Variants in NECAB1 observed in about 807,000 individuals in gnomAD.
The protein encoded by NECAB1 is N-terminal EF-hand calcium-binding protein 1.
A neutral mutation model predicts 57.5 loss-of-function variants in NECAB1; 29 were observed. The ratio of observed to expected loss-of-function variants is 0.50; its 90% CI spans 0.38 to 0.69. The LOEUF (loss-of-function observed/expected upper bound fraction) is 0.69, where lower values mean the gene tolerates loss of function less well. Ranked by LOEUF, NECAB1 falls within the 30% of genes least tolerant of loss-of-function variation. NECAB1 has a pLI of 0.00. For synonymous variants in NECAB1, 142 were observed against 147.7 expected (o/e 0.96, Z 0.28); for missense variants, 372 against 413.8 (o/e 0.90, Z 0.88).
At chr8:90,834,074 A>G (rs1812331392) in intron 3 of NECAB1, among the ~76,000 whole-genome samples, 2 of 150,518 alleles carry the variant, frequency 1.3e-5, no homozygotes, top group Admixed American at 1.3e-4. Context: ...AAGGTATGAG[A>G]ATTGATTGAA....
intron 10 of NECAB1, among the ~76,000 whole-genome samples, chr8:90,945,587 C>G (rs1024928871): frequency 6.6e-6 from 1 of 152,158 alleles, no homozygotes; most frequent in African/African-American, 2.4e-5. Flanking sequence ...CTTGCCATGT[C>G]TTTTCTTCAC....
chr8:90,826,366 C>A (rs1440074534), intron 3 of NECAB1, among the ~76,000 whole-genome samples: 1 of 151,858 alleles, frequency 6.6e-6, no homozygotes, highest in East Asian at 1.9e-4. Flanking sequence ...CAGGCTGCAA[C>A]GTCTTTATAG....
intron 5 of NECAB1, among the ~76,000 whole-genome samples, chr8:90,906,889 A>ATATATATATATATATATATATATATATG (rs1809678455): frequency 1.4e-5 from 1 of 72,856 alleles, no homozygotes; most frequent in Admixed American, 1.9e-4. Context: ...ATATATATAT[A>ATATATATATATATATATATATATATATG]TATATATATA....
At chr8:90,935,963 G>A (rs1810529295) in intron 9 of NECAB1, among the ~76,000 whole-genome samples, 1 of 152,026 alleles carries the variant, frequency 6.6e-6, no homozygotes, top group African/African-American at 2.4e-5. Context: ...ATATATAGAG[G>A]TATAGCAATT....
Position 90,810,348 on chromosome 8 carries a change from T to C in NECAB1, c.124+8633T>C, listed in dbSNP as rs79440166. Among the ~76,000 whole-genome samples the C allele has an allele frequency of 2.3e-3, 352 of 152,348 alleles. 1 individual carries two copies. The highest frequency in any genetic ancestry group is 7.9e-3 in the African/African-American group (327 of 41,578). On this transcript the variant is annotated intron_variant, in intron 2 of 12. Coordinates refer to ENST00000417640, the MANE Select transcript of NECAB1 (RefSeq NM_022351.5). ...CCATTTGTTCATTCACTCATTCCTT[T>C]ATTTGCTTAATATTTTGTGAGTGCT... is the stretch of plus-strand genomic sequence containing the variant.
chr8:90,952,798 T>TAAAATAAAATAAAATAAAATAAAATAAAA (rs4041466), intron 12 of NECAB1, among the ~76,000 whole-genome samples: 28 of 138,146 alleles, frequency 2.0e-4, no homozygotes, highest in African/African-American at 8.7e-4. Flanking sequence ...AATAATAAAA[T>TAAAATAAAATAAAATAAAATAAAATAAAA]TAAAATAAAA....
chr8:90,867,149 A>T (rs1808532379), intron 3 of NECAB1, among the ~76,000 whole-genome samples: 1 of 152,244 alleles, frequency 6.6e-6, no homozygotes, highest in Non-Finnish European at 1.5e-5. Context: ...GTGAAGCCAC[A>T]AACACTATAG....
intron 6 of NECAB1, among the ~76,000 whole-genome samples, chr8:90,923,944 C>G (rs1270352582): frequency 6.6e-6 from 1 of 152,054 alleles, no homozygotes; most frequent in African/African-American, 2.4e-5. Context: ...GAAAAATTAT[C>G]AAAGGAAGAA....
At position 90,808,260 on chromosome 8, in the gene NECAB1, C is replaced by T. The variant is rs113219578; in HGVS notation, c.124+6545C>T. Among the ~76,000 whole-genome samples the T allele has an allele frequency of 2.6e-4, 39 of 152,274 alleles. 1 individual carries two copies. The highest frequency in any genetic ancestry group is 8.4e-4 in the African/African-American group (35 of 41,568). On this transcript the variant is annotated intron_variant, in intron 2 of 12. Transcript: ENST00000417640. ...CACACAGCATAGACTTATCCCAAAACGTGGCTGCTACCTTAAGTGCTTTCT... is the reference window on the plus strand; with the variant it reads ...CACACAGCATAGACTTATCCCAAAATGTGGCTGCTACCTTAAGTGCTTTCT...
intron 5 of NECAB1, among the ~76,000 whole-genome samples, chr8:90,908,419 C>T (rs867086618): frequency 3.9e-5 from 6 of 152,162 alleles, no homozygotes; most frequent in East Asian, 3.9e-4. Context: ...TTTGGTTCTA[C>T]GTTACACTCC....
intron 3 of NECAB1, among the ~76,000 whole-genome samples, chr8:90,834,993 T>G (rs999297968): frequency 3.1e-5 from 4 of 130,926 alleles, no homozygotes; most frequent in Non-Finnish European, 6.3e-5. Context: ...TTTCTTTTTT[T>G]TTTTTTTAAA....
At position 90,928,215 on chromosome 8, in the gene NECAB1, G is replaced by A; in HGVS notation, c.617-8G>A. On this transcript the variant is annotated splice_polypyrimidine_tract_variant and splice_region_variant and intron_variant, in intron 7 of 12. Transcript: ENST00000417640. ...ACATATTGCCCTCATGATTCCCCCT[G>A]GCCCCAGGCTTATTAGAAGAAGACA... 1 of 1,598,076 alleles carries A rather than the reference G, an allele frequency of 6.3e-7. No homozygotes were observed. The highest frequency in any genetic ancestry group is 8.6e-7 in the Non-Finnish European group (1 of 1,169,314).
At position 90,942,697 on chromosome 8, in the gene NECAB1, C is replaced by CTGGTCA. The variant is rs551214126; in HGVS notation, c.860+1799_860+1800insTGGTCA. On this transcript the variant is annotated intron_variant, in intron 10 of 12. Transcript: ENST00000417640. The stretch of plus-strand genomic sequence containing the variant: ...AGGAGTTCGAGACCAGACTGACCAA[C>CTGGTCA]GTGATGAGACCCCGTCTCTACTAAA... Among the ~76,000 whole-genome samples the CTGGTCA allele has an allele frequency of 2.2e-4, 34 of 152,268 alleles. 2 individuals are homozygous for CTGGTCA. In the South Asian group the frequency reaches 3.5e-3, roughly 16 times the overall value.
intron 5 of NECAB1, among the ~76,000 whole-genome samples, chr8:90,883,871 G>A (rs535060111): frequency 1.3e-5 from 2 of 152,296 alleles, no homozygotes; most frequent in South Asian, 4.1e-4. Context: ...CTACAGGGTA[G>A]AGGTGATAAG....
chr8:90,819,553 A>G (rs192127336), intron 2 of NECAB1, among the ~76,000 whole-genome samples: 320 of 152,010 alleles, frequency 2.1e-3, no homozygotes, highest in Non-Finnish European at 3.9e-3. Flanking sequence ...GAGTTTCCCT[A>G]AGTATTCCCC....
At chr8:90,925,781 T>C (rs1162458057) in intron 7 of NECAB1, 125 bp downstream of exon 7, 3 of 1,309,010 alleles carry the variant, frequency 2.3e-6, no homozygotes, top group East Asian at 2.5e-5. Context: ...CCAAGTAAGT[T>C]TGAGACAGAA....
chr8:90,856,608 A>G (rs914837643), intron 3 of NECAB1, among the ~76,000 whole-genome samples: 1 of 152,238 alleles, frequency 6.6e-6, no homozygotes, highest in African/African-American at 2.4e-5. Context: ...AACATTTTAA[A>G]TCCACTCATG....
intron 3 of NECAB1, among the ~76,000 whole-genome samples, chr8:90,835,284 A>G (rs750537356): frequency 3.9e-5 from 6 of 152,176 alleles, no homozygotes; most frequent in African/African-American, 1.2e-4. Flanking sequence ...ATCTCATGCT[A>G]TGCCTGACTA....
chr8:90,890,117 G>A lies in NECAB1; in HGVS notation c.357+8987G>A, dbSNP rs190469537. 2.6e-5 allele frequency among the ~76,000 whole-genome samples: 4 copies of A among 152,218 alleles called. No individual in the cohort carries two copies. In the East Asian group the frequency reaches 7.7e-4, roughly 29 times the overall value. ...CTTATATTAGTTGAATGCTTCTAAT[G>A]TGGTTTGGCTGTGCCCTCACCCAAA... On this transcript the variant is annotated intron_variant, in intron 5 of 12. Coordinates refer to ENST00000417640, the MANE Select transcript of NECAB1 (RefSeq NM_022351.5).
Sources: gnomAD v4.1 joint callset for allele counts (sites outside exome capture counted in the v4.1 genomes callset) on GRCh38, gnomAD v4.1.1 for gene constraint, MANE v1.5 for transcripts, NCBI Gene and HGNC (gene_info 2026-07-23, HGNC 2026-07-21) for gene names.